The following KMT2C variants were observed in gnomAD, a reference collection of about 807,000 sequenced individuals.
The protein encoded by KMT2C is lysine methyltransferase 2C.
A neutral mutation model predicts 507.9 loss-of-function variants in KMT2C; 88 were observed. The ratio of observed to expected loss-of-function variants is 0.17; its 90% CI spans 0.15 to 0.21. The LOEUF is 0.21. Ranked by LOEUF, KMT2C falls within the 10% of genes least tolerant of loss-of-function variation. The pLI is 1.00. For missense variants in KMT2C, 4,954 were observed against 5,957.8 expected (o/e 0.83, Z 5.55); for synonymous variants, 2,049 against 2,080.8 (o/e 0.98, Z 0.42).
intron 1 of KMT2C, among the ~76,000 whole-genome samples, chr7:152,400,719 G>T (rs981841028): frequency 2.0e-5 from 3 of 152,194 alleles, no homozygotes; most frequent in Non-Finnish European, 2.9e-5. Flanking sequence ...AGCTATTTAT[G>T]TGGGTGTACT....
At chr7:152,364,617 A>AAAAAAAAAAAG (rs56810754) in intron 1 of KMT2C, among the ~76,000 whole-genome samples, 1 of 149,918 alleles carries the variant, frequency 6.7e-6, no homozygotes, top group African/African-American at 2.5e-5. Context: ...TCCAAAAAAA[A>AAAAAAAAAAAG]AAAGAAAAGA....
At chr7:152,191,996 A>C (rs2093808362) in intron 31 of KMT2C, among the ~76,000 whole-genome samples, 1 of 152,044 alleles carries the variant, frequency 6.6e-6, no homozygotes, top group Non-Finnish European at 1.5e-5. Flanking sequence ...AAGGGTAGGC[A>C]ACCTGATTCA....
chr7:152,209,405 C>T (rs1407014893), intron 23 of KMT2C, among the ~76,000 whole-genome samples: 1 of 142,850 alleles, frequency 7.0e-6, no homozygotes. Context: ...TGCAGTGAGC[C>T]GAATTGGCAC....
intron 2 of KMT2C, 69 bp downstream of exon 2, chr7:152,358,518 G>C (rs2097170481): frequency 1.1e-6 from 1 of 929,970 alleles, no homozygotes; most frequent in African/African-American, 1.6e-5. Flanking sequence ...TTATACAAAT[G>C]CTACATGCAG....
chr7:152,181,905 G>T lies in KMT2C; in HGVS notation c.5955C>A (p.Ser1985=). The T allele has an allele frequency of 6.2e-7, 1 of 1,614,188 alleles. No individual in the cohort carries two copies. The highest frequency in any genetic ancestry group is 8.5e-7 in the Non-Finnish European group (1 of 1,180,032). Residue 1985 remains serine (S), a synonymous_variant, in exon 36 of 59, where the codon TCC becomes TCA. Transcript: ENST00000262189. ...TDQFPKSLGL[S]RSPVVSEQTA... is the part of the protein sequence containing the mutation. ...TTTGTTCTGAAACTACAGGAGACCG[G>T]GATAGGCCCAAGGATTTGGGAAATT...
chr7:152,430,059 T>C (rs982464195), intron 1 of KMT2C, among the ~76,000 whole-genome samples: 1 of 150,226 alleles, frequency 6.7e-6, no homozygotes, highest in Admixed American at 6.7e-5. Flanking sequence ...GCGCCTGTAA[T>C]CCCAGCTTTT....
intron 16 of KMT2C, among the ~76,000 whole-genome samples, chr7:152,233,815 T>C (rs1274689862): frequency 6.6e-6 from 1 of 152,098 alleles, no homozygotes; most frequent in Non-Finnish European, 1.5e-5. Context: ...ATAACCTAAA[T>C]AGGTACCTAT....
intron 23 of KMT2C, among the ~76,000 whole-genome samples, chr7:152,212,682 A>C (rs1288114783): frequency 6.6e-6 from 1 of 152,270 alleles, no homozygotes; most frequent in Non-Finnish European, 1.5e-5. Context: ...AACACTGAGG[A>C]ACAAATTTAA....
At chr7:152,368,760 C>T in intron 1 of KMT2C, 1 of 854,692 alleles carries the variant, frequency 1.2e-6, no homozygotes, top group South Asian at 1.6e-5. Flanking sequence ...CAGTTTCATC[C>T]ATAATGATGG....
chr7:152,329,012 A>G (rs1367529311), intron 3 of KMT2C, among the ~76,000 whole-genome samples: 1 of 152,042 alleles, frequency 6.6e-6, no homozygotes, highest in East Asian at 1.9e-4. Context: ...AGTTGGACAT[A>G]AAAGTCTGGA....
intron 34 of KMT2C, among the ~76,000 whole-genome samples, chr7:152,185,163 G>C (rs949477097): frequency 6.6e-6 from 1 of 152,184 alleles, no homozygotes; most frequent in Non-Finnish European, 1.5e-5. Context: ...ACAAGGGAAA[G>C]AGTCTGTACA....
intron 1 of KMT2C, among the ~76,000 whole-genome samples, chr7:152,406,840 G>GGTT (rs374326275): frequency 7.3e-4 from 85 of 115,884 alleles, no homozygotes; most frequent in African/African-American, 3.0e-3. Context: ...TTATTTTTTG[G>GGTT]TTTTTTTTTT....
Position 152,158,964 on chromosome 7 carries a change from T to A in KMT2C, c.11569A>T (p.Thr3857Ser), listed in dbSNP as rs754870680. Residue 3857 changes from threonine to serine, a missense_variant, in exon 44 of 59, where the codon ACG (threonine) becomes TCG (serine). This residue lies in a region of KMT2C where 801 missense variants were observed against 751.2 expected (regional missense o/e 1.07). Coordinates refer to ENST00000262189, the MANE Select transcript of KMT2C (RefSeq NM_170606.3). ...KKQRSKRTQRTGEKAAPRSKK... is the reference protein window; with the variant it reads ...KKQRSKRTQRSGEKAAPRSKK... ...GAGCGAGGTGCTGCTTTCTCACCCG[T>A]CCTCTGAGTCCGTTTGCTTCGCTGT... 9 of 1,614,098 alleles carry A rather than the reference T, an allele frequency of 5.6e-6. No individual in the cohort carries two copies.
chr7:152,275,337 G>A (rs2096062931), intron 6 of KMT2C, among the ~76,000 whole-genome samples: 1 of 152,174 alleles, frequency 6.6e-6, no homozygotes, highest in Admixed American at 6.5e-5. Context: ...GAGGTCAGGA[G>A]ATCGAGACCA....
intron 18 of KMT2C, among the ~76,000 whole-genome samples, chr7:152,228,589 T>C (rs1193730866): frequency 3.3e-5 from 5 of 152,204 alleles, no homozygotes; most frequent in Non-Finnish European, 5.9e-5. Context: ...GTGCACTAAT[T>C]GTCCAATCTT....
chr7:152,332,384 G>C (rs2096892514), intron 2 of KMT2C, among the ~76,000 whole-genome samples: 1 of 152,090 alleles, frequency 6.6e-6, no homozygotes, highest in Non-Finnish European at 1.5e-5. Context: ...AATTTATTTA[G>C]ACCTTTCTGC....
In KMT2C at chr7:152,249,958, G is replaced by A. The variant is rs1300662528; in HGVS notation, c.1736-5C>T. The A allele has an allele frequency of 1.3e-6, 2 of 1,595,648 alleles. No homozygotes were observed. Among genetic ancestry groups the A allele is most frequent in the Non-Finnish European group, 1.7e-6 (2 of 1,164,316 alleles). ...CTTCAGTGTGGACTTGAACCGCTGT[G>A]AGTAACACATTTATAAAATCTCTAA... is the stretch of plus-strand genomic sequence containing the variant. On this transcript the variant is annotated splice_polypyrimidine_tract_variant and splice_region_variant and intron_variant, in intron 12 of 58. Coordinates refer to ENST00000262189, the MANE Select transcript of KMT2C (RefSeq NM_170606.3).
At chr7:152,241,463 T>C (rs2129159529) in intron 14 of KMT2C, among the ~76,000 whole-genome samples, 1 of 152,412 alleles carries the variant, frequency 6.6e-6, no homozygotes, top group African/African-American at 2.4e-5. Context: ...GTGCTGGGAT[T>C]ACAGACGTGA....
chr7:152,194,102 A>C lies in KMT2C; in HGVS notation c.4567T>G (p.Leu1523Val). The C allele has an allele frequency of 6.3e-7, 1 of 1,581,570 alleles. No homozygotes were observed. Among genetic ancestry groups the C allele is most frequent in the Non-Finnish European group, 8.6e-7 (1 of 1,169,488 alleles). ...PELGGKDVED[L>V]FTAVLSPANT... ...GCAGGACTAAGTACAGCTGTAAATA[A>C]GTCTTCAACATCTTTTCCGCCAAGC... The change falls in exon 31 of 59, where the codon TTA becomes GTA. Residue 1523 changes from leucine to valine, a missense_variant. By Grantham distance (32) the Leu-to-Val change is conservative. Transcript: ENST00000262189.
Sources: allele counts gnomAD v4.1 joint callset (sites outside exome capture counted in the v4.1 genomes callset), GRCh38; gene constraint gnomAD v4.1.1; regional missense constraint gnomAD v4.1.1; transcripts MANE v1.5; gene names NCBI Gene and HGNC (gene_info 2026-07-23, HGNC 2026-07-21).